ANKRD66: variants seen among roughly 807,000 people sequenced by gnomAD.
ANKRD66 encodes ankyrin repeat domain-containing protein 66.
In ANKRD66, 10 loss-of-function variants were observed where a neutral mutation model predicts 10.9. That is an observed-to-expected ratio of 0.91 (90% CI 0.56 to 1.55). The LOEUF (loss-of-function observed/expected upper bound fraction) is 1.55, where lower values mean the gene tolerates loss of function less well. Among genes scored for constraint, ANKRD66 ranks in the 40% most tolerant of loss-of-function variants. The pLI is 0.00. For synonymous variants in ANKRD66, 85 were observed against 88.4 expected (o/e 0.96, Z 0.22); for missense variants, 252 against 242.9 (o/e 1.04, Z -0.25).
At position 46,758,956 on chromosome 6, in the gene ANKRD66, C is replaced by G; in HGVS notation, c.*35C>G. ...CTTATGTTTTCTGGCAAGGAACTTTCCCTGGTGCCAGAAATGAGGCTGTTA... is the reference window on the plus strand; with the variant it reads ...CTTATGTTTTCTGGCAAGGAACTTTGCCTGGTGCCAGAAATGAGGCTGTTA... On this transcript the variant is annotated 3_prime_UTR_variant, in exon 5 of 5. Coordinates refer to ENST00000565422, the MANE Select transcript of ANKRD66 (RefSeq NM_001162435.3). The G allele has an allele frequency of 6.6e-6, 10 of 1,506,752 alleles. No homozygotes were observed. The highest frequency in any genetic ancestry group is 8.9e-6 in the Non-Finnish European group (10 of 1,122,994). 93.3% of individuals were successfully genotyped at this position (1,506,752 alleles called of 1,614,324 possible).
intron 1 of ANKRD66, 23 bp downstream of exon 1, chr6:46,747,013 C>T (rs1196726229): frequency 1.4e-5 from 21 of 1,531,824 alleles, no homozygotes; most frequent in Non-Finnish European, 1.7e-5. Flanking sequence ...AAGTTACCCT[C>T]TCTTATTTAC....
Position 46,753,394 on chromosome 6 carries a change from A to C in ANKRD66, c.164-328A>C, listed in dbSNP as rs148322216. Among the ~76,000 whole-genome samples, 17 of 152,308 alleles carry C rather than the reference A, an allele frequency of 1.1e-4. No homozygotes were observed. The East Asian group carries it at 3.3e-3, about 29-fold the overall frequency. On this transcript the variant is annotated intron_variant, in intron 3 of 4. Transcript: ENST00000565422. ...CAAAAGCACAGTGGGCCTTACCAAT[A>C]GGCAGGTATAGTGTGGCTTGGGAGA...
In ANKRD66 at chr6:46,753,763, A is replaced by C. The variant is rs966317820; in HGVS notation, c.205A>C (p.Arg69=). Residue 69 remains arginine (R), a synonymous_variant, in exon 4 of 5, where the codon AGG becomes CGG. Coordinates refer to ENST00000565422, the MANE Select transcript of ANKRD66 (RefSeq NM_001162435.3). ...ACGGCTCCTGATAGAATATGGAGCC[A>C]GGCCCTGCCTGGTTACTAGTGTGGG... The part of the protein sequence containing the change: ...VIRLLIEYGA[R]PCLVTSVGWT... The C allele has an allele frequency of 6.4e-7, 1 of 1,551,480 alleles. No individual in the cohort carries two copies. The highest frequency in any genetic ancestry group is 8.7e-7 in the Non-Finnish European group (1 of 1,146,964).
intron 4 of ANKRD66, chr6:46,756,353 A>C (rs1766383631): frequency 6.3e-6 from 1 of 159,920 alleles, no homozygotes; most frequent in Admixed American, 6.5e-5. Flanking sequence ...TTGGAATGTA[A>C]TAGATTTTCA....
In ANKRD66 at chr6:46,759,097, T is replaced by A. The variant is rs940913887; in HGVS notation, c.*176T>A. The A allele has an allele frequency of 2.0e-6, 1 of 511,164 alleles. No homozygotes were observed. Among genetic ancestry groups the A allele is most frequent in the African/African-American group, 1.9e-5 (1 of 52,708 alleles). The allele number at this position is 511,164 out of a possible 1,614,324, so 31.7% of individuals were successfully genotyped here. The stretch of plus-strand genomic sequence containing the variant: ...CTGTTGTTTCCTGGCTAGCACCTAC[T>A]GTGTACAATAATTACCGGGAAAGGA... On this transcript the variant is annotated 3_prime_UTR_variant, in exon 5 of 5. Coordinates refer to ENST00000565422, the MANE Select transcript of ANKRD66 (RefSeq NM_001162435.3).
chr6:46,749,541 CT>C (rs1766217348), intron 1 of ANKRD66, among the ~76,000 whole-genome samples: 1 of 52,186 alleles, frequency 1.9e-5, no homozygotes, highest in African/African-American at 6.0e-5. Context: ...ATTTTTTTTT[CT>C]CTTTTATTCC....
chr6:46,748,336 C>T (rs940026799), intron 1 of ANKRD66, among the ~76,000 whole-genome samples: 2 of 152,092 alleles, frequency 1.3e-5, no homozygotes, highest in Non-Finnish European at 2.9e-5. Flanking sequence ...TGCAACTCAC[C>T]CATGGAAAGT....
chr6:46,751,992 C>T lies in ANKRD66; in HGVS notation c.44C>T (p.Ala15Val). ...TCAGACATGACAAAGCTTCACCAAG[C>T]TGTGGCTGCAGGAGACTACAGCTTA... Reference protein sequence around the residue: ...KMSDMTKLHQAVAAGDYSLVK... With the variant: ...KMSDMTKLHQVVAAGDYSLVK... The change falls in exon 3 of 5, where the codon GCT becomes GTT. Residue 15 changes from alanine (A) to valine (V), a missense_variant. Physicochemically the swap from Ala to Val is moderately conservative, Grantham distance 64 (BLOSUM62 0). Coordinates refer to ENST00000565422, the MANE Select transcript of ANKRD66 (RefSeq NM_001162435.3). The T allele has an allele frequency of 6.6e-7, 1 of 1,512,208 alleles. No homozygotes were observed. The highest frequency in any genetic ancestry group is 8.8e-7 in the Non-Finnish European group (1 of 1,131,482). 93.7% of individuals were successfully genotyped at this position (1,512,208 alleles called of 1,614,324 possible).
intron 1 of ANKRD66, among the ~76,000 whole-genome samples, chr6:46,748,242 C>A (rs1406122704): frequency 6.6e-6 from 1 of 152,098 alleles, no homozygotes; most frequent in Non-Finnish European, 1.5e-5. Flanking sequence ...CTTCTGGGTC[C>A]CTTGCATTTC....
chr6:46,748,506 A>T (rs1023167130), intron 1 of ANKRD66, among the ~76,000 whole-genome samples: 1 of 152,192 alleles, frequency 6.6e-6, no homozygotes, highest in African/African-American at 2.4e-5. Context: ...ACACTCTAGC[A>T]TTTTTGTTTA....
chr6:46,748,133 A>C (rs1251145352), intron 1 of ANKRD66, among the ~76,000 whole-genome samples: 1 of 152,210 alleles, frequency 6.6e-6, no homozygotes, highest in African/African-American at 2.4e-5. Flanking sequence ...AGCATCATTT[A>C]TTGAAAAGAC....
In ANKRD66 at chr6:46,751,987, C is replaced by G; in HGVS notation, c.39C>G (p.His13Gln). Residue 13 changes from histidine to glutamine, a missense_variant, in exon 3 of 5, where the codon CAC (histidine) becomes CAG (glutamine). Physicochemically the swap from His to Gln is conservative, Grantham distance 24. Transcript: ENST00000565422. ...LAKMSDMTKL[H>Q]QAVAAGDYSL... The stretch of plus-strand genomic sequence containing the variant: ...AAATGTCAGACATGACAAAGCTTCA[C>G]CAAGCTGTGGCTGCAGGAGACTACA... The G allele has an allele frequency of 6.7e-7, 1 of 1,503,134 alleles. No individual in the cohort carries two copies. Among genetic ancestry groups the G allele is most frequent in the Non-Finnish European group, 8.9e-7 (1 of 1,128,062 alleles). 93.1% of individuals were successfully genotyped at this position (1,503,134 alleles called of 1,614,324 possible).
chr6:46,750,397 T>C (rs1384545581), intron 2 of ANKRD66, among the ~76,000 whole-genome samples: 5 of 152,152 alleles, frequency 3.3e-5, no homozygotes, highest in African/African-American at 1.2e-4. Flanking sequence ...AAAATAAATA[T>C]ATTTTCCAAA....
intron 4 of ANKRD66, among the ~76,000 whole-genome samples, chr6:46,754,823 A>C (rs1766348849): frequency 6.6e-6 from 1 of 152,158 alleles, no homozygotes; most frequent in Admixed American, 6.5e-5. Context: ...CAATATCACA[A>C]TTGAGATGCT....
chr6:46,753,910 C>T lies in ANKRD66; in HGVS notation c.352C>T (p.Gln118Ter). The change falls in exon 4 of 5, where the codon CAG becomes TAG. Residue 118 changes from glutamine (Q) to a stop codon, truncating the protein, a stop_gained. Coordinates refer to ENST00000565422, the MANE Select transcript of ANKRD66 (RefSeq NM_001162435.3). LOFTEE classifies it low-confidence loss of function (END_TRUNC). ...FFGDTPKRIAQIYGQKACVAF... is the reference protein window; with the variant it reads ...FFGDTPKRIA ...TGGAGACACACCGAAGAGGATTGCA[C>T]AGATCTATGGACAGAAAGCCTGTGT... 1 of 1,551,628 alleles carries T rather than the reference C, an allele frequency of 6.4e-7. No homozygotes were observed. Among genetic ancestry groups the T allele is most frequent in the Non-Finnish European group, 8.7e-7 (1 of 1,146,992 alleles).
At chr6:46,750,117 C>T (rs569550158) in intron 2 of ANKRD66, 138 bp downstream of exon 2, 1 of 546,720 alleles carries the variant, frequency 1.8e-6, no homozygotes, top group East Asian at 3.2e-5. Context: ...CAGAGACATT[C>T]CCAATGGCCC....
chr6:46,753,800 C>A lies in ANKRD66; in HGVS notation c.242C>A (p.Ala81Asp). The A allele has an allele frequency of 6.4e-7, 1 of 1,551,674 alleles. No individual in the cohort carries two copies. Among genetic ancestry groups the A allele is most frequent in the Non-Finnish European group, 8.7e-7 (1 of 1,146,992 alleles). ...CLVTSVGWTP[A>D]HFAAEAGHLN... ...GTTACTAGTGTGGGCTGGACCCCAG[C>A]TCATTTTGCAGCAGAAGCAGGCCAT... The change falls in exon 4 of 5, where the codon GCT (alanine) becomes GAT (aspartate). Residue 81 changes from alanine to aspartate, a missense_variant. By Grantham distance (126) the Ala-to-Asp change is moderately radical. Transcript: ENST00000565422.
intron 1 of ANKRD66, among the ~76,000 whole-genome samples, chr6:46,748,145 A>T (rs999154980): frequency 6.6e-6 from 1 of 152,204 alleles, no homozygotes; most frequent in Non-Finnish European, 1.5e-5. Flanking sequence ...TGAAAAGACT[A>T]TTATGTTGTC....
intron 2 of ANKRD66, among the ~76,000 whole-genome samples, chr6:46,751,653 G>A (rs1187440457): frequency 6.6e-6 from 1 of 152,150 alleles, no homozygotes; most frequent in African/African-American, 2.4e-5. Context: ...TCTGAAGTAG[G>A]AGTAGGAAAT....
Sources: gnomAD v4.1 joint callset for allele counts (sites outside exome capture counted in the v4.1 genomes callset) on GRCh38, gnomAD v4.1.1 for gene constraint, MANE v1.5 for transcripts, NCBI Gene and HGNC (gene_info 2026-07-23, HGNC 2026-07-21) for gene names.